Variants in RIMS1 observed in about 807,000 individuals in gnomAD.
RIMS1 encodes the protein regulating synaptic membrane exocytosis 1.
In RIMS1, 83 loss-of-function variants were observed where a neutral mutation model predicts 214.1. That is an observed-to-expected ratio of 0.39 (90% CI 0.32 to 0.47). RIMS1 has a LOEUF of 0.47. RIMS1 is among the 20% of genes least tolerant of loss of function. The pLI is 0.99. For synonymous variants in RIMS1, 793 were observed against 786.8 expected, an observed-to-expected ratio of 1.01 and a Z score of -0.13; for missense variants, 2,050 against 2,161.8, an observed-to-expected ratio of 0.95 and a Z score of 1.03.
chr6:71,988,229 T>C (rs1260800950), intron 2 of RIMS1, among the ~76,000 whole-genome samples: 1 of 152,168 alleles, frequency 6.6e-6, no homozygotes, highest in Non-Finnish European at 1.5e-5. Flanking sequence ...GTAACCAATT[T>C]TTCATATCTA....
At chr6:72,152,097 G>A (rs1253094228) in intron 4 of RIMS1, among the ~76,000 whole-genome samples, 1 of 152,062 alleles carries the variant, frequency 6.6e-6, no homozygotes, top group Non-Finnish European at 1.5e-5. Context: ...ACCCTATCAG[G>A]CCCCACCTCA....
intron 2 of RIMS1, among the ~76,000 whole-genome samples, chr6:71,989,674 G>A (rs963312929): frequency 3.3e-5 from 5 of 152,154 alleles, no homozygotes; most frequent in Non-Finnish European, 7.4e-5. Flanking sequence ...ATCATTGATC[G>A]ATTCATTAAT....
chr6:72,332,410 T>C (rs1395920922), intron 28 of RIMS1, among the ~76,000 whole-genome samples: 1 of 151,356 alleles, frequency 6.6e-6, no homozygotes, highest in African/African-American at 2.4e-5. Flanking sequence ...AATCCTAACA[T>C]CATTCTCAGT....
chr6:72,111,803 C>T (rs543053203), intron 4 of RIMS1, among the ~76,000 whole-genome samples: 47 of 152,132 alleles, frequency 3.1e-4, no homozygotes, highest in Non-Finnish European at 5.6e-4. Flanking sequence ...TCCTAGTCTG[C>T]ATTCCTTTGG....
chr6:72,327,641 A>G (rs1469459487), intron 28 of RIMS1, among the ~76,000 whole-genome samples: 2 of 151,708 alleles, frequency 1.3e-5, no homozygotes, highest in East Asian at 1.9e-4. Context: ...AGCAATGTTG[A>G]CGGCTCCAGT....
At chr6:72,228,604 G>A (rs1278901080) in intron 6 of RIMS1, among the ~76,000 whole-genome samples, 1 of 151,976 alleles carries the variant, frequency 6.6e-6, no homozygotes, top group Middle Eastern at 3.4e-3. Flanking sequence ...TGGCTATAGT[G>A]AATAGTGCTG....
chr6:71,979,611 T>C (rs1392665075), intron 2 of RIMS1, among the ~76,000 whole-genome samples: 2 of 152,122 alleles, frequency 1.3e-5, no homozygotes, highest in South Asian at 4.1e-4. Context: ...CTTGACACAA[T>C]TTGAGAATAA....
intron 28 of RIMS1, among the ~76,000 whole-genome samples, chr6:72,329,997 G>A (rs1230984424): frequency 6.6e-6 from 1 of 151,764 alleles, no homozygotes; most frequent in Non-Finnish European, 1.5e-5. Flanking sequence ...CATAATGCTT[G>A]GAACCAGGTG....
At chr6:72,127,545 A>G (rs1179731604) in intron 4 of RIMS1, among the ~76,000 whole-genome samples, 2 of 152,162 alleles carry the variant, frequency 1.3e-5, no homozygotes, top group African/African-American at 4.8e-5. Context: ...CCTCAGAGAC[A>G]TGCCTTATAT....
At chr6:72,119,801 C>T (rs552049736) in intron 4 of RIMS1, among the ~76,000 whole-genome samples, 2 of 151,788 alleles carry the variant, frequency 1.3e-5, no homozygotes, top group Admixed American at 1.3e-4. Context: ...ATCCTTCCCC[C>T]ACTCCCCCAA....
intron 30 of RIMS1, 89 bp from the exon 31 acceptor site, chr6:72,392,609 G>C (rs1002517109): frequency 1.1e-6 from 1 of 894,734 alleles, no homozygotes; most frequent in Non-Finnish European, 1.9e-6. Flanking sequence ...TATGTTTCAT[G>C]ATCATAATTA....
intron 6 of RIMS1, among the ~76,000 whole-genome samples, chr6:72,223,135 G>A (rs2059060388): frequency 6.6e-6 from 1 of 152,166 alleles, no homozygotes; most frequent in Non-Finnish European, 1.5e-5. Context: ...TTATGAGCGA[G>A]GTGCTGGTGT....
chr6:72,392,512 T>A (rs2098716918), intron 30 of RIMS1, among the ~76,000 whole-genome samples, 186 bp from the exon 31 acceptor site: 1 of 152,180 alleles, frequency 6.6e-6, no homozygotes, highest in South Asian at 2.1e-4. Flanking sequence ...AGTTTACACC[T>A]TTCCTCAGTC....
At chr6:72,090,253 C>G (rs891781492) in intron 2 of RIMS1, among the ~76,000 whole-genome samples, 6 of 152,116 alleles carry the variant, frequency 3.9e-5, no homozygotes, top group African/African-American at 1.4e-4. Flanking sequence ...GTGATTCACC[C>G]ACCTTGGCCT....
intron 4 of RIMS1, among the ~76,000 whole-genome samples, chr6:72,138,435 C>T (rs1271424169): frequency 6.6e-6 from 1 of 152,056 alleles, no homozygotes; most frequent in Non-Finnish European, 1.5e-5. Flanking sequence ...AAAAACTAAT[C>T]TACTTTTTAT....
At position 72,265,975 on chromosome 6, in the gene RIMS1, T is replaced by C. The variant is rs1301958193; in HGVS notation, c.3324T>C (p.Phe1108=). 1 of 1,575,852 alleles carries C rather than the reference T, an allele frequency of 6.3e-7. No individual in the cohort carries two copies. The highest frequency in any genetic ancestry group is 1.8e-5 in the Admixed American group (1 of 54,694). The change falls in exon 22 of 34, where the codon TTT becomes TTC. Residue 1108 remains phenylalanine, a synonymous_variant. Transcript: ENST00000521978. ...DEILVSELQP[F]LDRARSASTN... is the part of the protein sequence containing the mutation. ...CTGGCACTAGTGAACTGCAGCCCTT[T>C]CTTGACAGGGCTAGGAGTGCTAGTA... is the stretch of plus-strand genomic sequence containing the variant.
At chr6:72,078,478 T>G (rs1181176639) in intron 2 of RIMS1, among the ~76,000 whole-genome samples, 1 of 152,170 alleles carries the variant, frequency 6.6e-6, no homozygotes, top group Non-Finnish European at 1.5e-5. Flanking sequence ...AATATTTTCT[T>G]GTTATATTGG....
chr6:72,053,133 T>G (rs1300056729), intron 2 of RIMS1, among the ~76,000 whole-genome samples: 1 of 152,138 alleles, frequency 6.6e-6, no homozygotes, highest in Non-Finnish European at 1.5e-5. Context: ...TAACCAACCT[T>G]GGCATAGGTC....
intron 29 of RIMS1, among the ~76,000 whole-genome samples, chr6:72,352,735 A>G (rs2097500203): frequency 6.6e-6 from 1 of 152,128 alleles, no homozygotes; most frequent in Non-Finnish European, 1.5e-5. Flanking sequence ...ATATCTGACT[A>G]CTAAAAGCCT....
Sources: allele counts gnomAD v4.1 joint callset (sites outside exome capture counted in the v4.1 genomes callset), GRCh38; gene constraint gnomAD v4.1.1; transcripts MANE v1.5; gene names NCBI Gene and HGNC (gene_info 2026-07-23, HGNC 2026-07-21).